Variants in CADPS2 observed in about 807,000 individuals in gnomAD.
CADPS2 encodes calcium dependent secretion activator 2.
Under a neutral mutation model 172.5 loss-of-function variants are expected in CADPS2, and 93 were observed. The observed-to-expected ratio is 0.54, with a 90% CI of 0.46 to 0.64. The LOEUF is 0.64. Among genes scored for constraint, CADPS2 ranks in the 30% least tolerant of loss-of-function variants. CADPS2 has a pLI of 0.00. For missense variants in CADPS2, 1,420 were observed against 1,565.9 expected, an observed-to-expected ratio of 0.91 and a Z score of 1.57; for synonymous variants, 546 against 555.2, an observed-to-expected ratio of 0.98 and a Z score of 0.23.
At chr7:122,515,845 A>T (rs928571064) in intron 8 of CADPS2, among the ~76,000 whole-genome samples, 4 of 145,350 alleles carry the variant, frequency 2.8e-5, no homozygotes, top group East Asian at 4.1e-4. Context: ...AAATAATAAT[A>T]ATTATATGTA....
chr7:122,609,631 T>C (rs1563846240), intron 6 of CADPS2, among the ~76,000 whole-genome samples: 1 of 152,206 alleles, frequency 6.6e-6, no homozygotes, highest in Non-Finnish European at 1.5e-5. Flanking sequence ...AATACCATGT[T>C]TATTAGACCC....
rs541747005 is a variant in CADPS2, at chr7:122,837,664, A to G, written c.339+48335T>C. Among the ~76,000 whole-genome samples the G allele has an allele frequency of 3.3e-5, 5 of 152,362 alleles. No individual in the cohort carries two copies. The South Asian group carries it at 1.0e-3, about 32-fold the overall frequency. On this transcript the variant is annotated intron_variant, in intron 1 of 29. Coordinates refer to ENST00000449022, the MANE Select transcript of CADPS2 (RefSeq NM_017954.11). ...TACTATAAACACCTCTATGCAAATA[A>G]ACTAGAAAATCTACAAGAAATGGAT...
intron 25 of CADPS2, chr7:122,379,083 A>G (rs1323817676): frequency 3.6e-6 from 1 of 276,762 alleles, no homozygotes; most frequent in African/African-American, 2.3e-5. Context: ...TAAATAGCAT[A>G]AGAACATGAA....
intron 6 of CADPS2, among the ~76,000 whole-genome samples, chr7:122,585,082 G>T (rs149637487): frequency 6.6e-6 from 1 of 152,050 alleles, no homozygotes; most frequent in African/African-American, 2.4e-5. Context: ...CTTAAATAAC[G>T]TGTTCTCAGG....
intron 9 of CADPS2, among the ~76,000 whole-genome samples, chr7:122,509,599 T>C (rs1257535740): frequency 6.6e-6 from 1 of 152,170 alleles, no homozygotes; most frequent in Non-Finnish European, 1.5e-5. Context: ...GAATGATCCA[T>C]AGTGATTAAT....
chr7:122,757,297 C>G (rs767067189), intron 1 of CADPS2, among the ~76,000 whole-genome samples: 1 of 151,966 alleles, frequency 6.6e-6, no homozygotes, highest in African/African-American at 2.4e-5. Context: ...GGGAGGTGCA[C>G]GCCACCATGA....
intron 6 of CADPS2, among the ~76,000 whole-genome samples, chr7:122,582,473 T>C (rs1310789277): frequency 2.0e-5 from 3 of 151,910 alleles, no homozygotes; most frequent in Non-Finnish European, 4.4e-5. Flanking sequence ...GAAGAATCAA[T>C]TAGGGAAGAA....
intron 1 of CADPS2, among the ~76,000 whole-genome samples, chr7:122,843,775 C>A (rs987924613): frequency 3.3e-5 from 5 of 152,076 alleles, no homozygotes; most frequent in African/African-American, 1.2e-4. Flanking sequence ...TAAAGAGGGC[C>A]ATGGGTCTAG....
intron 14 of CADPS2, among the ~76,000 whole-genome samples, chr7:122,452,227 G>A (rs1048214360): frequency 2.6e-4 from 39 of 152,168 alleles, no homozygotes; most frequent in African/African-American, 8.2e-4. Flanking sequence ...CCGGTTGTAC[G>A]GCAATCATCT....
chr7:122,350,662 T>C (rs1480448118), intron 27 of CADPS2, among the ~76,000 whole-genome samples: 2 of 152,126 alleles, frequency 1.3e-5, no homozygotes, highest in African/African-American at 4.8e-5. Flanking sequence ...AACTTAAATA[T>C]TTAATAAATA....
chr7:122,569,885 G>C (rs2066986525), intron 7 of CADPS2, among the ~76,000 whole-genome samples: 1 of 142,378 alleles, frequency 7.0e-6, no homozygotes, highest in Admixed American at 7.2e-5. Flanking sequence ...ATCAATTCAA[G>C]ATGGATTAAA....
chr7:122,503,906 T>C (rs540912421), intron 9 of CADPS2, among the ~76,000 whole-genome samples: 1 of 152,292 alleles, frequency 6.6e-6, no homozygotes, highest in East Asian at 1.9e-4. Flanking sequence ...ATGAATTGTT[T>C]TGCAGGAAAA....
chr7:122,429,086 A>G (rs2049552201), intron 17 of CADPS2, among the ~76,000 whole-genome samples: 1 of 152,060 alleles, frequency 6.6e-6, no homozygotes, highest in Admixed American at 6.6e-5. Context: ...GGAAAATTAG[A>G]ATTTTAGAAA....
intron 28 of CADPS2, among the ~76,000 whole-genome samples, chr7:122,335,999 T>C (rs1418128766): frequency 6.6e-6 from 1 of 152,214 alleles, no homozygotes; most frequent in East Asian, 1.9e-4. Context: ...CAGTGAAATA[T>C]TTTGTCCATA....
At chr7:122,753,151 T>A (rs1235903157) in intron 1 of CADPS2, among the ~76,000 whole-genome samples, 1 of 152,174 alleles carries the variant, frequency 6.6e-6, no homozygotes, top group Non-Finnish European at 1.5e-5. Flanking sequence ...GCTCACATCT[T>A]ACAAGCACAT....
At chr7:122,824,791 A>G (rs1483014957) in intron 1 of CADPS2, among the ~76,000 whole-genome samples, 1 of 152,132 alleles carries the variant, frequency 6.6e-6, no homozygotes, top group Non-Finnish European at 1.5e-5. Context: ...AAGTGCTTGC[A>G]TGATTTTATT....
At chr7:122,702,895 C>T (rs1008770073) in intron 2 of CADPS2, 2 of 599,706 alleles carry the variant, frequency 3.3e-6, no homozygotes, top group African/African-American at 1.9e-5. Flanking sequence ...TATCTTGCTC[C>T]TTCCAGTATT....
chr7:122,776,473 G>A (rs993571979), intron 1 of CADPS2, among the ~76,000 whole-genome samples: 2 of 152,000 alleles, frequency 1.3e-5, no homozygotes, highest in African/African-American at 4.8e-5. Flanking sequence ...TACTGGTAGA[G>A]TGGGGTACTG....
At chr7:122,543,479 GAC>G (rs2063308523) in intron 8 of CADPS2, among the ~76,000 whole-genome samples, 2 of 151,988 alleles carry the variant, frequency 1.3e-5, no homozygotes, top group Admixed American at 1.3e-4. Flanking sequence ...TATTGAGTCT[GAC>G]ACATCAATAA....
Sources: allele counts gnomAD v4.1 joint callset (sites outside exome capture counted in the v4.1 genomes callset), GRCh38; gene constraint gnomAD v4.1.1; transcripts MANE v1.5; gene names NCBI Gene and HGNC (gene_info 2026-07-23, HGNC 2026-07-21).